Variants in TADA2B observed in about 807,000 individuals in gnomAD.
TADA2B encodes the protein transcriptional adaptor 2B.
TADA2B carries 13 observed loss-of-function variants against 34.5 expected under a neutral mutation model. That is an observed-to-expected ratio of 0.38 (90% confidence interval 0.25 to 0.60). The LOEUF (loss-of-function observed/expected upper bound fraction) is 0.60. Ranked by LOEUF, TADA2B falls within the 20% of genes least tolerant of loss-of-function variation. The pLI is 0.65. For synonymous variants in TADA2B, 240 were observed against 243.4 expected (o/e 0.99, Z 0.13); for missense variants, 442 against 575.0 (o/e 0.77, Z 2.37).
At chr4:7,046,998 C>A (rs931657322) in intron 1 of TADA2B, among the ~76,000 whole-genome samples, 4 of 152,036 alleles carry the variant, frequency 2.6e-5, no homozygotes, top group Non-Finnish European at 4.4e-5. Flanking sequence ...TAGCGAGGGG[C>A]AGAGAGAACA....
chr4:7,053,067 T>A (rs1315436325), intron 1 of TADA2B: 3 of 152,356 alleles, frequency 2.0e-5, no homozygotes, highest in Non-Finnish European at 2.9e-5. Flanking sequence ...GCTGGGCCTC[T>A]GGCAGTGCTG....
At chr4:7,052,609 C>G (rs750946505) in intron 1 of TADA2B, among the ~76,000 whole-genome samples, 1 of 152,142 alleles carries the variant, frequency 6.6e-6, no homozygotes, top group Non-Finnish European at 1.5e-5. Flanking sequence ...ATGACAGACC[C>G]GAGGCTCAGA....
chr4:7,049,335 C>T (rs1257853873), intron 1 of TADA2B, among the ~76,000 whole-genome samples: 1 of 152,192 alleles, frequency 6.6e-6, no homozygotes, highest in African/African-American at 2.4e-5. Flanking sequence ...CGCCTCAGCC[C>T]CCGAAAGTGC....
At chr4:7,044,144 C>G (rs1300475095) in intron 1 of TADA2B, among the ~76,000 whole-genome samples, 1 of 152,252 alleles carries the variant, frequency 6.6e-6, no homozygotes, top group South Asian at 2.1e-4. Flanking sequence ...CCTTCACAGG[C>G]GTTTGCGGAG....
chr4:7,054,235 C>A lies in TADA2B; in HGVS notation c.444C>A (p.Thr148=). 1.2e-6 allele frequency: 2 copies of A among 1,608,674 alleles called. No individual in the cohort carries two copies. The highest frequency in any genetic ancestry group is 1.7e-6 in the Non-Finnish European group (2 of 1,177,706). ...PSGGPLSPSL[T]TPLPPLDISV... is the part of the protein sequence containing the mutation. Reference sequence around the variant, plus strand: ...GAGGCCCCCTCTCACCCAGCCTCACCACCCCGCTGCCCCCGCTGGACATCT... The same window carrying A: ...GAGGCCCCCTCTCACCCAGCCTCACAACCCCGCTGCCCCCGCTGGACATCT... The change falls in exon 2 of 2, where the codon ACC becomes ACA. Residue 148 remains threonine, a synonymous_variant. Coordinates refer to ENST00000310074, the MANE Select transcript of TADA2B (RefSeq NM_152293.3).
At position 7,054,873 on chromosome 4, in the gene TADA2B, C is replaced by G. The variant is rs373049435; in HGVS notation, c.1082C>G (p.Ser361Cys). The G allele has an allele frequency of 6.2e-7, 1 of 1,613,864 alleles. No individual in the cohort carries two copies. The highest frequency in any genetic ancestry group is 8.5e-7 in the Non-Finnish European group (1 of 1,179,912). The change falls in exon 2 of 2, where the codon TCT (serine) becomes TGT (cysteine). Residue 361 changes from serine to cysteine, a missense_variant. Transcript: ENST00000310074. ...LSDREKVLCS[S>C]LNLSPARYVT... ...GATCGCGAGAAGGTGCTCTGCAGCT[C>G]TTTAAACTTGAGTCCAGCCCGCTAC...
intron 1 of TADA2B, among the ~76,000 whole-genome samples, chr4:7,044,520 C>T (rs545594908): frequency 1.8e-3 from 269 of 152,158 alleles, no homozygotes; most frequent in Non-Finnish European, 3.2e-3. Context: ...GTGTGGGGAG[C>T]GGTGAGAGCT....
In TADA2B at chr4:7,043,416, G is replaced by T. The variant is rs908099885; in HGVS notation, c.-164G>T. On this transcript the variant is annotated 5_prime_UTR_variant, in exon 1 of 2. Coordinates refer to ENST00000310074, the MANE Select transcript of TADA2B (RefSeq NM_152293.3). Reference sequence around the variant, plus strand: ...AGGGGGGACGCGGCCCGGCTGGCTGGCTCTGGCGGCGGCTGGGCTGGGGCC... The same window carrying T: ...AGGGGGGACGCGGCCCGGCTGGCTGTCTCTGGCGGCGGCTGGGCTGGGGCC... 3 of 189,732 alleles carry T rather than the reference G, an allele frequency of 1.6e-5. No individual in the cohort carries two copies. The highest frequency in any genetic ancestry group is 2.8e-5 in the Non-Finnish European group (3 of 105,662). 11.8% of individuals were successfully genotyped at this position (189,732 alleles called of 1,614,324 possible).
In TADA2B at chr4:7,055,040, A is replaced by G. The variant is rs1284022236; in HGVS notation, c.1249A>G (p.Arg417Gly). 6.2e-7 allele frequency: 1 copy of G among 1,609,748 alleles called. No homozygotes were observed. The highest frequency in any genetic ancestry group is 1.7e-5 in the Admixed American group (1 of 59,252). Residue 417 changes from arginine to glycine, a missense_variant, in exon 2 of 2, where the codon AGG (arginine) becomes GGG (glycine). Physicochemically the swap from Arg to Gly is moderately radical, Grantham distance 125 (BLOSUM62 -2). Transcript: ENST00000310074. The part of the protein sequence containing the change: ...NFLTESGWIS[R>G]DAS ...CCTCACAGAAAGCGGCTGGATCTCC[A>G]GGGACGCGTCTTGAAGCTGAGACGC...
rs66885632 is a variant in TADA2B at position 7,052,011 on chromosome 4, T to G, written c.271-2051T>G. Among the ~76,000 whole-genome samples, 6 of 152,222 alleles carry G rather than the reference T, an allele frequency of 3.9e-5. 1 individual carries two copies. In the South Asian group the frequency reaches 1.2e-3, roughly 32 times the overall value. ...GCCAGGGGGGCCCCACTGACTCACC[T>G]TGTGACCTTGGGTAAGCAAGCCGGC... On this transcript the variant is annotated intron_variant, in intron 1 of 1. Coordinates refer to ENST00000310074, the MANE Select transcript of TADA2B (RefSeq NM_152293.3).
chr4:7,054,624 T>C lies in TADA2B; in HGVS notation c.833T>C (p.Met278Thr), dbSNP rs1723846753. ...CKEFDDLFEN[M>T]HKEKMLRAKI... ...GAGTTTGATGACCTTTTTGAAAACA[T>C]GCACAAAGAAAAAATGCTCCGGGCC... Residue 278 changes from methionine (M) to threonine (T), a missense_variant, in exon 2 of 2, where the codon ATG becomes ACG. Physicochemically the swap from Met to Thr is moderately conservative, Grantham distance 81. Transcript: ENST00000310074. 6.2e-6 allele frequency: 10 copies of C among 1,613,628 alleles called. No individual in the cohort carries two copies. The highest frequency in any genetic ancestry group is 6.8e-6 in the Non-Finnish European group (8 of 1,179,818).
chr4:7,054,661 A>G lies in TADA2B; in HGVS notation c.870A>G (p.Glu290=), dbSNP rs1204286004. 3 of 1,613,954 alleles carry G rather than the reference A, an allele frequency of 1.9e-6. No individual in the cohort carries two copies. The highest frequency in any genetic ancestry group is 4.5e-5 in the East Asian group (2 of 44,890). Residue 290 remains glutamate (E), a synonymous_variant, in exon 2 of 2, where the codon GAA becomes GAG. Transcript: ENST00000310074. Reference sequence around the variant, plus strand: ...AAATGCTCCGGGCCAAGATCCGAGAACTGCAGCGGTACCGGCGAAACGGGA... The same window carrying G: ...AAATGCTCCGGGCCAAGATCCGAGAGCTGCAGCGGTACCGGCGAAACGGGA... ...KEKMLRAKIR[E]LQRYRRNGIT...
intron 1 of TADA2B, among the ~76,000 whole-genome samples, chr4:7,049,803 G>A (rs1021662158): frequency 2.0e-5 from 3 of 152,170 alleles, no homozygotes; most frequent in Non-Finnish European, 4.4e-5. Flanking sequence ...GCCACCGCAT[G>A]GCCGTGACTG....
rs1486862713 is a variant in TADA2B at position 7,057,483 on chromosome 4, G to C, written c.*2429G>C. 6.6e-6 allele frequency: 1 copy of C among 152,160 alleles called. No individual in the cohort carries two copies. The highest frequency in any genetic ancestry group is 6.5e-5 in the Admixed American group (1 of 15,276). 9.4% of individuals were successfully genotyped at this position (152,160 alleles called of 1,614,324 possible). The stretch of plus-strand genomic sequence containing the variant: ...GATAAATTAGCCACCATAATCCCAT[G>C]GAATTAGGTCTTGTTAAAATCTAGT... On this transcript the variant is annotated 3_prime_UTR_variant, in exon 2 of 2. Transcript: ENST00000310074.
chr4:7,044,402 G>A lies in TADA2B; in HGVS notation c.270+553G>A, dbSNP rs2108781886. 2.0e-5 allele frequency among the ~76,000 whole-genome samples: 3 copies of A among 152,312 alleles called. No homozygotes were observed. The South Asian group carries it at 6.2e-4, about 32-fold the overall frequency. ...TTATGCTTGGGTCCCCACAACCCAC[G>A]ACCTTGTGCGAATGGTCAGTAAAGA... On this transcript the variant is annotated intron_variant, in intron 1 of 1. Transcript: ENST00000310074.
At chr4:7,044,569 G>A (rs1432048628) in intron 1 of TADA2B, among the ~76,000 whole-genome samples, 1 of 152,168 alleles carries the variant, frequency 6.6e-6, no homozygotes, top group Non-Finnish European at 1.5e-5. Context: ...CGTGTGCTAG[G>A]TTCTGTCCTT....
chr4:7,055,779 A>G lies in TADA2B; in HGVS notation c.*725A>G, dbSNP rs2108787564. 6.6e-6 allele frequency: 1 copy of G among 152,350 alleles called. No homozygotes were observed. The highest frequency in any genetic ancestry group is 1.9e-4 in the East Asian group (1 of 5,182). 9.4% of individuals were successfully genotyped at this position (152,350 alleles called of 1,614,324 possible). Reference sequence around the variant, plus strand: ...CAGAGCCTGCTGGTTCACTTTGGGTAGAGCCGTGCCTCTTGGGCAGGCTCC... The same window carrying G: ...CAGAGCCTGCTGGTTCACTTTGGGTGGAGCCGTGCCTCTTGGGCAGGCTCC... On this transcript the variant is annotated 3_prime_UTR_variant, in exon 2 of 2. Transcript: ENST00000310074.
intron 1 of TADA2B, chr4:7,053,016 T>TA (rs1229355832): frequency 1.3e-5 from 2 of 152,306 alleles, no homozygotes; most frequent in African/African-American, 4.8e-5. Context: ...CGCCAGCTCA[T>TA]AGTCATCAGC....
rs958657688 is a variant in TADA2B, at chr4:7,043,609, G to C, written c.30G>C (p.Val10=). The C allele has an allele frequency of 1.4e-6, 2 of 1,459,356 alleles. No individual in the cohort carries two copies. The highest frequency in any genetic ancestry group is 2.9e-5 in the African/African-American group (2 of 68,556). 90.4% of individuals were successfully genotyped at this position (1,459,356 alleles called of 1,614,324 possible). Residue 10 remains valine, a synonymous_variant, in exon 1 of 2, where the codon GTG becomes GTC. Coordinates refer to ENST00000310074, the MANE Select transcript of TADA2B (RefSeq NM_152293.3). ...CGGAGCTGGGGAAGAAGTACTGCGT[G>C]TACTGCCTGGCCGAGGTGAGCCCGC... The part of the protein sequence containing the change: MAELGKKYC[V]YCLAEVSPLR...
Sources: allele counts gnomAD v4.1 joint callset (sites outside exome capture counted in the v4.1 genomes callset), GRCh38; gene constraint gnomAD v4.1.1; transcripts MANE v1.5; gene names NCBI Gene and HGNC (gene_info 2026-07-23, HGNC 2026-07-21).